The following CDSN variants were observed in gnomAD, a reference collection of about 807,000 sequenced individuals.
CDSN encodes the protein corneodesmosin.
CDSN carries 11 observed loss-of-function variants against 25.6 expected under a neutral mutation model. The ratio of observed to expected loss-of-function variants is 0.43; its 90% confidence interval spans 0.27 to 0.71. The LOEUF is 0.71. CDSN is among the 30% of genes least tolerant of loss of function. CDSN has a pLI of 0.20. For synonymous variants in CDSN, 266 were observed against 267.4 expected (o/e 0.99, Z 0.05); for missense variants, 598 against 670.9 (o/e 0.89, Z 1.20).
rs1356052286 is a variant in CDSN at position 31,116,824 on chromosome 6, G to A, written c.791C>T (p.Ala264Val). 2.5e-6 allele frequency: 4 copies of A among 1,614,028 alleles called. No individual in the cohort carries two copies. Among genetic ancestry groups the A allele is most frequent in the South Asian group, 1.1e-5 (1 of 91,086 alleles). Residue 264 changes from alanine to valine, a missense_variant, in exon 2 of 2, where the codon GCC becomes GTC. By Grantham distance (64) the Ala-to-Val change is moderately conservative. Transcript: ENST00000376288. ...VVVVDQHGSG[A>V]PGVVQGPPCS... Reference sequence around the variant, plus strand: ...GGGGGGACCTTGAACCACTCCAGGGGCACCAGAACCGTGCTGGTCCACCAC... The same window carrying A: ...GGGGGGACCTTGAACCACTCCAGGGACACCAGAACCGTGCTGGTCCACCAC...
chr6:31,116,925 C>T lies in CDSN; in HGVS notation c.690G>A (p.Gly230=). Residue 230 remains glycine (G), a synonymous_variant, in exon 2 of 2, where the codon GGG becomes GGA. Coordinates refer to ENST00000376288, the MANE Select transcript of CDSN (RefSeq NM_001264.5). The stretch of plus-strand genomic sequence containing the variant: ...AGGGGCCGGAGTGCGAGACGATGGG[C>T]CCTCCACTGCAGGGAGAGTCGGGGA... ...SDIPDSPCSG[G]PIVSHSGPYI... 1.9e-6 allele frequency: 3 copies of T among 1,614,128 alleles called. No homozygotes were observed. Among genetic ancestry groups the T allele is most frequent in the South Asian group, 1.1e-5 (1 of 91,086 alleles).
In CDSN at chr6:31,115,545, C is replaced by T. The variant is rs532708625; in HGVS notation, c.*480G>A. The T allele has an allele frequency of 1.8e-5, 3 of 171,060 alleles. No individual in the cohort carries two copies. In the South Asian group the frequency reaches 4.5e-4, roughly 25 times the overall value. The allele number at this position is 171,060 out of a possible 1,614,324, so 10.6% of individuals were successfully genotyped here. ...CATATTGGGTGGGTTGACTAGATGT[C>T]GAAGAAAGGTCAGTGAAAAGTGGCC... On this transcript the variant is annotated 3_prime_UTR_variant, in exon 2 of 2. Coordinates refer to ENST00000376288, the MANE Select transcript of CDSN (RefSeq NM_001264.5). This position sits in a 1 kb window ranked among gnomAD's most constrained non-coding sequence, Gnocchi z 4.2.
rs745483723 is a variant in CDSN at position 31,116,440 on chromosome 6, G to C, written c.1175C>G (p.Ser392Cys). ...GGSTGSKGPC[S>C]PSSSRVPSSS... ...GCTGGGGACTCGAGAACTGGAGGGA[G>C]AGCAGGGTCCCTTGGAGCCCGTGGA... The change falls in exon 2 of 2, where the codon TCT (serine) becomes TGT (cysteine). Residue 392 changes from serine to cysteine, a missense_variant. Coordinates refer to ENST00000376288, the MANE Select transcript of CDSN (RefSeq NM_001264.5). 3 of 1,590,458 alleles carry C rather than the reference G, an allele frequency of 1.9e-6. No individual in the cohort carries two copies. The highest frequency in any genetic ancestry group is 8.6e-7 in the Non-Finnish European group (1 of 1,168,158).
At chr6:31,120,277 C>T (rs1316849295) in intron 1 of CDSN, 58 bp downstream of exon 1, 9 of 1,339,426 alleles carry the variant, frequency 6.7e-6, no homozygotes, top group African/African-American at 1.4e-5. Context: ...TTCGCTGGGT[C>T]CTCTCCCGGA....
In CDSN at chr6:31,115,330, T is replaced by C. The variant is rs1042148; in HGVS notation, c.*695A>G. The C allele has an allele frequency of 0.77, 140,014 of 180,704 alleles. 55,067 individuals carry two copies. Among genetic ancestry groups the C allele is most frequent in the African/African-American group, 0.9 (37,706 of 42,008 alleles). 11.2% of individuals were successfully genotyped at this position (180,704 alleles called of 1,614,324 possible). On this transcript the variant is annotated 3_prime_UTR_variant, in exon 2 of 2. Coordinates refer to ENST00000376288, the MANE Select transcript of CDSN (RefSeq NM_001264.5). This position sits in a 1 kb window ranked among gnomAD's most constrained non-coding sequence, Gnocchi z 4.2. ...ATCCAGGGACAGCAGGGAGCCTGCT[T>C]CAACCTCTGAGGGTGCCCCAGTGTC... is the stretch of plus-strand genomic sequence containing the variant.
Position 31,117,516 on chromosome 6 carries a change from C to T in CDSN, c.99G>A (p.Lys33=). 6.4e-7 allele frequency: 1 copy of T among 1,550,600 alleles called. No individual in the cohort carries two copies. Residue 33 remains lysine, a synonymous_variant, in exon 2 of 2, where the codon AAG becomes AAA. Transcript: ENST00000376288. ...AAGGGTCTGAGAAGGTGCCAATGCT[C>T]TTAGCCAAGGTCCCTGTGGAGGAAA... The part of the protein sequence containing the change: ...AGLLLPGTLA[K]SIGTFSDPCK...
At chr6:31,117,653 G>A in intron 1 of CDSN, 124 bp from the exon 2 acceptor site, 1 of 798,826 alleles carries the variant, frequency 1.3e-6, no homozygotes, top group Non-Finnish European at 2.1e-6. Flanking sequence ...AGAGTTTAGG[G>A]ATGGAGAAAG....
chr6:31,117,126 G>A lies in CDSN; in HGVS notation c.489C>T (p.Phe163=). 6.2e-7 allele frequency: 1 copy of A among 1,613,864 alleles called. No individual in the cohort carries two copies. ...SHSSSSSSFQ[F]SSSSFQVGNG... ...TCCCTACTTGGAAGCTGCTGCTGCT[G>A]AACTGAAAGCTGCTGCTGCTGCTCG... Residue 163 remains phenylalanine (F), a synonymous_variant, in exon 2 of 2, where the codon TTC becomes TTT. Transcript: ENST00000376288.
Position 31,119,023 on chromosome 6 carries a change from T to C in CDSN, c.85+1312A>G, listed in dbSNP as rs191586160. ...ACACCCAGCTAATTTTTTGTATTTT[T>C]AGTAGAGAGGGGGTTTCACCATCTT... On this transcript the variant is annotated intron_variant, in intron 1 of 1. Transcript: ENST00000376288. 5.5e-3 allele frequency among the ~76,000 whole-genome samples: 838 copies of C among 151,948 alleles called. 12 individuals are homozygous for C. In the Middle Eastern group the frequency reaches 0.061, roughly 11 times the overall value.
intron 1 of CDSN, among the ~76,000 whole-genome samples, chr6:31,119,431 C>T (rs1417365247): frequency 2.6e-5 from 4 of 152,172 alleles, no homozygotes; most frequent in South Asian, 2.1e-4. Flanking sequence ...TATAAGTACC[C>T]GGTGGTCAAC....
intron 1 of CDSN, among the ~76,000 whole-genome samples, chr6:31,119,129 C>T (rs1772326406): frequency 1.3e-5 from 2 of 152,064 alleles, no homozygotes; most frequent in African/African-American, 4.8e-5. Flanking sequence ...CAGGCACAAG[C>T]TATCATGTGC....
rs765690932 is a variant in CDSN at position 31,117,160 on chromosome 6, C to A, written c.455G>T (p.Ser152Ile). ...GCTGCTGCTGCTGCTCGAATGAGAG[C>A]TGCTGCTTCCCGAGTGAGAGCCGCT... ...GNSGSHSGSSSSHSSSSSSFQ... is the reference protein window; with the variant it reads ...GNSGSHSGSSISHSSSSSSFQ... The change falls in exon 2 of 2, where the codon AGC (serine) becomes ATC (isoleucine). Residue 152 changes from serine (S) to isoleucine (I), a missense_variant. Transcript: ENST00000376288. 1 of 1,606,258 alleles carries A rather than the reference C, an allele frequency of 6.2e-7. No homozygotes were observed. The highest frequency in any genetic ancestry group is 1.1e-5 in the South Asian group (1 of 90,714).
In CDSN at chr6:31,115,887, G is replaced by A. The variant is rs1042134; in HGVS notation, c.*138C>T. 388,434 of 727,972 alleles carry A rather than the reference G, an allele frequency of 0.53. 107,448 individuals carry two copies. Among genetic ancestry groups the A allele is most frequent in the East Asian group, 0.68 (25,612 of 37,690 alleles). 45.1% of individuals were successfully genotyped at this position (727,972 alleles called of 1,614,324 possible). ...AGAGAGTCTGCAACCTTGGGGTAGT[G>A]GAGAAAGCAGAACCACTCTTTTGGG... is the stretch of plus-strand genomic sequence containing the variant. On this transcript the variant is annotated 3_prime_UTR_variant, in exon 2 of 2. Coordinates refer to ENST00000376288, the MANE Select transcript of CDSN (RefSeq NM_001264.5). The surrounding 1 kb of genome is among the most constrained non-coding windows in gnomAD (Gnocchi z 4.2).
At chr6:31,120,299 G>T (rs117114042) in intron 1 of CDSN, 36 bp downstream of exon 1, 25 of 1,488,940 alleles carry the variant, frequency 1.7e-5, no homozygotes, top group Non-Finnish European at 2.3e-5. Context: ...TCTCCCTCCC[G>T]CCTCCCTCCT....
In CDSN at chr6:31,116,460, C is replaced by A. The variant is rs577480509; in HGVS notation, c.1155G>T (p.Thr385=). The A allele has an allele frequency of 1.9e-6, 3 of 1,594,222 alleles. No individual in the cohort carries two copies. The highest frequency in any genetic ancestry group is 1.8e-5 in the Admixed American group (1 of 55,860). The change falls in exon 2 of 2, where the codon ACG becomes ACT. Residue 385 remains threonine (T), a synonymous_variant. Transcript: ENST00000376288. ...AGGGAGAGCAGGGTCCCTTGGAGCC[C>A]GTGGAGCCGCCTCCACAGAGCTGGA... ...GGVQLCGGGS[T]GSKGPCSPSS... is the part of the protein sequence containing the mutation.
rs1305160228 is a variant in CDSN at position 31,117,367 on chromosome 6, C to T, written c.248G>A (p.Ser83Asn). ...SSGSSISSAR[S>N]SGGGSSGSSS... The stretch of plus-strand genomic sequence containing the variant: ...GCTACCACTGGAGCCACCACCAGAG[C>T]TTCTGGCACTGGAAATGGAGCTGCC... Residue 83 changes from serine (S) to asparagine (N), a missense_variant, in exon 2 of 2, where the codon AGC becomes AAC. Ser to Asn is a conservative substitution (Grantham distance 46, BLOSUM62 1). Transcript: ENST00000376288. The T allele has an allele frequency of 7.0e-6, 11 of 1,575,574 alleles. No homozygotes were observed. Among genetic ancestry groups the T allele is most frequent in the Non-Finnish European group, 8.6e-6 (10 of 1,160,466 alleles).
At chr6:31,120,032 C>G (rs3130992) in intron 1 of CDSN, among the ~76,000 whole-genome samples, 52,914 of 151,946 alleles carry the variant, frequency 0.35, 9,647 homozygotes, top group South Asian at 0.54. Flanking sequence ...TCTTGTAGTG[C>G]TCCCATAATA....
chr6:31,115,850 A>G lies in CDSN; in HGVS notation c.*175T>C. 1 of 604,528 alleles carries G rather than the reference A, an allele frequency of 1.7e-6. No homozygotes were observed. The allele number at this position is 604,528 out of a possible 1,614,324, so 37.4% of individuals were successfully genotyped here. On this transcript the variant is annotated 3_prime_UTR_variant, in exon 2 of 2. Transcript: ENST00000376288. The surrounding 1 kb of genome is among the most constrained non-coding windows in gnomAD (Gnocchi z 4.2). ...ACCATTTTGAGAAGAGGAAGGAGGA[A>G]GGGGTGATAAGAGAGAGTCTGCAAC... is the stretch of plus-strand genomic sequence containing the variant.
At position 31,116,490 on chromosome 6, in the gene CDSN, A is replaced by G; in HGVS notation, c.1125T>C (p.Gly375=). 2 of 1,607,912 alleles carry G rather than the reference A, an allele frequency of 1.2e-6. No homozygotes were observed. The highest frequency in any genetic ancestry group is 1.7e-6 in the Non-Finnish European group (2 of 1,177,032). The stretch of plus-strand genomic sequence containing the variant: ...AGCCGCCTCCACAGAGCTGGACCCC[A>G]CCAGTCCCCACTGGCTGGAATGCAA... ...SAIAFQPVGT[G]GVQLCGGGST... The change falls in exon 2 of 2, where the codon GGT becomes GGC. Residue 375 remains glycine (G), a synonymous_variant. Coordinates refer to ENST00000376288, the MANE Select transcript of CDSN (RefSeq NM_001264.5).
Sources: allele counts gnomAD v4.1 joint callset (sites outside exome capture counted in the v4.1 genomes callset), GRCh38; gene constraint gnomAD v4.1.1; non-coding constraint Gnocchi (gnomAD v3.1); transcripts MANE v1.5; gene names NCBI Gene and HGNC (gene_info 2026-07-23, HGNC 2026-07-21).